Variants in KDM3B observed in about 807,000 individuals in gnomAD.
KDM3B encodes lysine demethylase 3B.
Under a neutral mutation model 170.0 loss-of-function variants are expected in KDM3B, and 10 were observed. The observed-to-expected ratio is 0.06, with a 90% CI of 0.04 to 0.10. KDM3B has a LOEUF of 0.10. KDM3B is among the 10% of genes least tolerant of loss of function. The pLI is 1.00. For synonymous variants in KDM3B, 831 were observed against 834.8 expected, an observed-to-expected ratio of 1.00 and a Z score of 0.08; for missense variants, 1,394 against 2,195.2, an observed-to-expected ratio of 0.64 and a Z score of 7.29.
chr5:138,353,117 C>A (rs563501195), intron 1 of KDM3B, 130 bp downstream of exon 1: 3 of 780,316 alleles, frequency 3.8e-6, no homozygotes, highest in Non-Finnish European at 3.4e-6. Flanking sequence ...CTCCTTAGCG[C>A]CCCCCGCCGG....
Position 138,427,240 on chromosome 5 carries a change from T to C in KDM3B, c.4554T>C (p.Asp1518=), listed in dbSNP as rs1336288843. ...NLPLPEYTKR[D]GRLNLASRLP... ...CTCTGCCAGAATATACCAAACGAGA[T>C]GGCAGGCTCAATCTGGCCTCTAGGC... The change falls in exon 19 of 24, where the codon GAT becomes GAC. Residue 1518 remains aspartate (D), a synonymous_variant. Transcript: ENST00000314358. The C allele has an allele frequency of 6.2e-7, 1 of 1,613,998 alleles. No individual in the cohort carries two copies. The highest frequency in any genetic ancestry group is 8.5e-7 in the Non-Finnish European group (1 of 1,179,948).
At chr5:138,404,097 A>G (rs1040546692) in intron 11 of KDM3B, among the ~76,000 whole-genome samples, 6 of 152,220 alleles carry the variant, frequency 3.9e-5, no homozygotes, top group Non-Finnish European at 5.9e-5. Flanking sequence ...AATGACCTAC[A>G]TTTATTAATT....
At chr5:138,384,670 C>T (rs958948099) in intron 6 of KDM3B, among the ~76,000 whole-genome samples, 3 of 146,742 alleles carry the variant, frequency 2.0e-5, no homozygotes, top group Non-Finnish European at 3.0e-5. Flanking sequence ...GCCTAGGAGG[C>T]GGAGGTTGTC....
intron 22 of KDM3B, 65 bp downstream of exon 22, chr5:138,430,490 C>G: frequency 7.0e-7 from 1 of 1,424,906 alleles, no homozygotes; most frequent in Non-Finnish European, 9.8e-7. Context: ...GCTTTTCTTG[C>G]TAATCTACCA....
At chr5:138,407,077 C>G (rs1762843033) in intron 11 of KDM3B, among the ~76,000 whole-genome samples, 1 of 151,486 alleles carries the variant, frequency 6.6e-6, no homozygotes, top group Non-Finnish European at 1.5e-5. Context: ...CCTCCATCTC[C>G]CGGGTTCAAG....
chr5:138,431,376 T>C (rs371748783), intron 22 of KDM3B, 49 bp from the exon 23 acceptor site: 6 of 1,445,144 alleles, frequency 4.2e-6, no homozygotes, highest in Non-Finnish European at 5.6e-6. Flanking sequence ...CCATATGTTA[T>C]TGAATCTCTA....
chr5:138,374,001 GT>G (rs962585399), intron 2 of KDM3B, among the ~76,000 whole-genome samples: 13 of 151,620 alleles, frequency 8.6e-5, no homozygotes, highest in Admixed American at 3.3e-4. Context: ...TTTGTTTTTT[GT>G]TTTTTTCTTG....
At chr5:138,375,672 C>G (rs931571642) in intron 3 of KDM3B, among the ~76,000 whole-genome samples, 1 of 151,802 alleles carries the variant, frequency 6.6e-6, no homozygotes, top group Non-Finnish European at 1.5e-5. Flanking sequence ...GCCACCACGC[C>G]CAGCCTATTT....
intron 11 of KDM3B, among the ~76,000 whole-genome samples, chr5:138,404,383 TTGGGAGGCCAAGG>T (rs1447062165): frequency 1.3e-5 from 2 of 152,132 alleles, no homozygotes; most frequent in East Asian, 3.9e-4. Context: ...TCCCAGCACT[TTGGGAGGCCAAGG>T]TGGGCGGGAT....
At position 138,417,467 on chromosome 5, in the gene KDM3B, T is replaced by TA; in HGVS notation, c.3308-15dup. On this transcript the variant is annotated splice_polypyrimidine_tract_variant and intron_variant, in intron 12 of 23. Coordinates refer to ENST00000314358, the MANE Select transcript of KDM3B (RefSeq NM_016604.4). Reference sequence around the variant, plus strand: ...AGTATTCTGGTGTTATTTTTATTGTTACATTTTTTTCCCAGCTCTTTACAA... The same window carrying TA: ...AGTATTCTGGTGTTATTTTTATTGTTAACATTTTTTTCCCAGCTCTTTACAA... 5 of 1,613,412 alleles carry TA rather than the reference T, an allele frequency of 3.1e-6. No individual in the cohort carries two copies. Among genetic ancestry groups the TA allele is most frequent in the Middle Eastern group, 3.3e-4 (2 of 6,060 alleles).
At chr5:138,392,945 A>G (rs955684980) in intron 8 of KDM3B, among the ~76,000 whole-genome samples, 2 of 152,210 alleles carry the variant, frequency 1.3e-5, no homozygotes, top group African/African-American at 4.8e-5. Context: ...TTGTTTTGCC[A>G]TAGTGGGGCA....
chr5:138,370,345 G>A (rs1487564161), intron 1 of KDM3B, among the ~76,000 whole-genome samples: 2 of 152,076 alleles, frequency 1.3e-5, no homozygotes, highest in African/African-American at 2.4e-5. Flanking sequence ...TAACTTTTTA[G>A]CAATGCAGTT....
chr5:138,395,574 A>G (rs1419650872), intron 9 of KDM3B, among the ~76,000 whole-genome samples: 2 of 152,174 alleles, frequency 1.3e-5, no homozygotes, highest in Non-Finnish European at 2.9e-5. Context: ...ACCACCCTGA[A>G]CGATGTAGTG....
chr5:138,400,540 G>A (rs372078969), intron 11 of KDM3B, among the ~76,000 whole-genome samples: 1 of 152,186 alleles, frequency 6.6e-6, no homozygotes, highest in East Asian at 1.9e-4. Flanking sequence ...GAGGCCGGGG[G>A]TTTGAGACCA....
At chr5:138,426,309 TCA>T (rs1469318633) in intron 17 of KDM3B, among the ~76,000 whole-genome samples, 1 of 152,122 alleles carries the variant, frequency 6.6e-6, no homozygotes, top group Non-Finnish European at 1.5e-5. Context: ...GCACGGTGGC[TCA>T]CACCTGTAAT....
intron 11 of KDM3B, among the ~76,000 whole-genome samples, chr5:138,407,633 G>A (rs954421392): frequency 7.2e-5 from 11 of 152,104 alleles, no homozygotes; most frequent in Admixed American, 2.6e-4. Flanking sequence ...TCATCAAAAC[G>A]CAACATCTGG....
chr5:138,354,942 A>T (rs2126900258), intron 1 of KDM3B, among the ~76,000 whole-genome samples: 1 of 152,300 alleles, frequency 6.6e-6, no homozygotes, highest in Non-Finnish European at 1.5e-5. Context: ...ATTGTTCAAG[A>T]ATTGGTATTT....
At chr5:138,389,651 A>G (rs888710612) in intron 7 of KDM3B, among the ~76,000 whole-genome samples, 5 of 152,180 alleles carry the variant, frequency 3.3e-5, no homozygotes, top group Admixed American at 6.6e-5. Flanking sequence ...ATTAAGGTAT[A>G]TCATCCTCTA....
chr5:138,377,900 C>A, intron 4 of KDM3B, 75 bp downstream of exon 4: 3 of 1,034,498 alleles, frequency 2.9e-6, no homozygotes, highest in African/African-American at 1.6e-5. Flanking sequence ...GTATGGAATC[C>A]CATGCAACCT....
Sources: gnomAD v4.1 joint callset for allele counts (sites outside exome capture counted in the v4.1 genomes callset) on GRCh38, gnomAD v4.1.1 for gene constraint, MANE v1.5 for transcripts, NCBI Gene and HGNC (gene_info 2026-07-23, HGNC 2026-07-21) for gene names.